The following RCAN1 variants were observed in gnomAD, a reference collection of about 807,000 sequenced individuals.
RCAN1 encodes the protein regulator of calcineurin 1.
In RCAN1, 11 loss-of-function variants were observed where a neutral mutation model predicts 22.9. The observed-to-expected ratio is 0.48, with a 90% CI of 0.30 to 0.79. RCAN1 has a LOEUF of 0.79. RCAN1 is among the 30% of genes least tolerant of loss of function. RCAN1 has a pLI of 0.06. For missense variants in RCAN1, 291 were observed against 337.8 expected (o/e 0.86, Z 1.09); for synonymous variants, 136 against 142.3 (o/e 0.96, Z 0.32).
chr21:34,530,816 G>A (rs1985355596), intron 1 of RCAN1, among the ~76,000 whole-genome samples: 1 of 151,774 alleles, frequency 6.6e-6, no homozygotes, highest in South Asian at 2.1e-4. Context: ...GTAGAGATGG[G>A]GTTTCACCAT....
intron 1 of RCAN1, among the ~76,000 whole-genome samples, chr21:34,543,075 C>T (rs1443015512): frequency 6.6e-6 from 1 of 152,206 alleles, no homozygotes; most frequent in Non-Finnish European, 1.5e-5. Flanking sequence ...TGACCTAATG[C>T]CTACATTGAG....
chr21:34,601,649 T>G (rs529348811), intron 1 of RCAN1, among the ~76,000 whole-genome samples: 125 of 152,102 alleles, frequency 8.2e-4, no homozygotes, highest in Middle Eastern at 3.4e-3. Flanking sequence ...AAACCCCATC[T>G]CTACTAAAAA....
chr21:34,610,746 G>C (rs1988665150), intron 1 of RCAN1, among the ~76,000 whole-genome samples: 1 of 152,136 alleles, frequency 6.6e-6, no homozygotes, highest in Non-Finnish European at 1.5e-5. Flanking sequence ...TAGAGACTCT[G>C]ACGTGCAGCT....
intron 1 of RCAN1, among the ~76,000 whole-genome samples, chr21:34,553,796 T>A (rs1173549199): frequency 3.9e-5 from 6 of 152,152 alleles, no homozygotes; most frequent in South Asian, 2.1e-4. Context: ...CTACTTGTGA[T>A]GAAACAAATA....
At chr21:34,526,667 GT>G (rs1985076301) in intron 1 of RCAN1, 1 of 1,612,956 alleles carries the variant, frequency 6.2e-7, no homozygotes, top group Non-Finnish European at 8.5e-7. Context: ...CCTTACCCTG[GT>G]TTCACTTTCG....
At chr21:34,544,351 T>C (rs1986048480) in intron 1 of RCAN1, among the ~76,000 whole-genome samples, 1 of 152,192 alleles carries the variant, frequency 6.6e-6, no homozygotes, top group South Asian at 2.1e-4. Flanking sequence ...GGGGGCCATG[T>C]GGCAAGGACT....
chr21:34,541,778 C>CA (rs1468095980), intron 1 of RCAN1, among the ~76,000 whole-genome samples: 3 of 151,950 alleles, frequency 2.0e-5, no homozygotes, highest in Non-Finnish European at 2.9e-5. Context: ...ACTAAAAACA[C>CA]AAAAAACTAG....
chr21:34,595,847 G>A (rs947695919), intron 1 of RCAN1, among the ~76,000 whole-genome samples: 3 of 152,212 alleles, frequency 2.0e-5, no homozygotes, highest in African/African-American at 7.2e-5. Context: ...CAGACAAGCT[G>A]ACCACCCCCC....
At chr21:34,584,305 T>G (rs985896061) in intron 1 of RCAN1, among the ~76,000 whole-genome samples, 2 of 152,186 alleles carry the variant, frequency 1.3e-5, no homozygotes, top group Non-Finnish European at 2.9e-5. Flanking sequence ...CAGAATGCAT[T>G]CACCAAACAA....
intron 1 of RCAN1, among the ~76,000 whole-genome samples, chr21:34,561,051 A>G (rs568277008): frequency 1.3e-5 from 2 of 152,200 alleles, no homozygotes. Context: ...GGATCCGATG[A>G]TTTTATAAGT....
intron 1 of RCAN1, among the ~76,000 whole-genome samples, chr21:34,561,900 G>C (rs564122024): frequency 4.6e-5 from 7 of 152,274 alleles, no homozygotes; most frequent in African/African-American, 1.7e-4. Context: ...TAGGCACACA[G>C]GATTGAGGGA....
chr21:34,561,627 C>T (rs1293268187), intron 1 of RCAN1, among the ~76,000 whole-genome samples: 1 of 152,186 alleles, frequency 6.6e-6, no homozygotes, highest in African/African-American at 2.4e-5. Context: ...CAAGAACTAG[C>T]ACTTTCTGGA....
At chr21:34,523,879 T>A in intron 1 of RCAN1, 169 bp from the exon 2 acceptor site, 1 of 477,070 alleles carries the variant, frequency 2.1e-6, no homozygotes, top group Non-Finnish European at 3.7e-6. Context: ...ACCTCCCAGG[T>A]TCAAGTGATT....
intron 1 of RCAN1, chr21:34,613,752 A>G (rs539161410): frequency 7.4e-6 from 11 of 1,483,362 alleles, no homozygotes; most frequent in Admixed American, 2.1e-5. Context: ...TCAGAAAGTA[A>G]GTGAACATAT....
intron 1 of RCAN1, among the ~76,000 whole-genome samples, chr21:34,610,104 ACTC>A (rs1191258803): frequency 2.6e-5 from 4 of 152,056 alleles, no homozygotes; most frequent in South Asian, 2.1e-4. Flanking sequence ...CCCAACTGTT[ACTC>A]TCCTGCTAGG....
chr21:34,615,061 C>A lies in RCAN1; in HGVS notation c.-50G>T, dbSNP rs1328905700. 11 of 1,015,608 alleles carry A rather than the reference C, an allele frequency of 1.1e-5. No individual in the cohort carries two copies. Among genetic ancestry groups the A allele is most frequent in the Non-Finnish European group, 1.2e-5 (10 of 851,026 alleles). 62.9% of individuals were successfully genotyped at this position (1,015,608 alleles called of 1,614,324 possible). On this transcript the variant is annotated 5_prime_UTR_variant, in exon 1 of 4. Coordinates refer to ENST00000313806, the MANE Select transcript of RCAN1 (RefSeq NM_004414.7). ...GCCCCAGCGGGCTGCTCCGGGCTTG[C>A]GCGCCGGAGCCTCACGCGCTCCGGT...
chr21:34,567,352 C>T (rs1028463686), intron 1 of RCAN1, among the ~76,000 whole-genome samples: 14 of 151,942 alleles, frequency 9.2e-5, no homozygotes, highest in South Asian at 2.1e-4. Context: ...AAAAATTAGC[C>T]GAGCGTGGGG....
chr21:34,566,726 T>C (rs1488314194), intron 1 of RCAN1, among the ~76,000 whole-genome samples: 1 of 152,214 alleles, frequency 6.6e-6, no homozygotes, highest in Non-Finnish European at 1.5e-5. Context: ...TTCTGCAGGC[T>C]GTACAAGCAC....
At chr21:34,568,864 AAAG>A (rs1987128765) in intron 1 of RCAN1, among the ~76,000 whole-genome samples, 1 of 152,246 alleles carries the variant, frequency 6.6e-6, no homozygotes, top group Admixed American at 6.5e-5. Context: ...CTGGGAAGAA[AAAG>A]AAGTTTAATT....
Sources: allele counts gnomAD v4.1 joint callset (sites outside exome capture counted in the v4.1 genomes callset), GRCh38; gene constraint gnomAD v4.1.1; transcripts MANE v1.5; gene names NCBI Gene and HGNC (gene_info 2026-07-23, HGNC 2026-07-21).